SLC18A1: variants seen among roughly 807,000 people sequenced by gnomAD.
The protein encoded by SLC18A1 is chromaffin granule amine transporter.
In SLC18A1, 69 loss-of-function variants were observed where a neutral mutation model predicts 53.7. That is an observed-to-expected ratio of 1.28 (90% CI 1.06 to 1.57). The LOEUF is 1.57. SLC18A1 is among the 40% of genes most tolerant of loss of function. The pLI is 0.00. For synonymous variants in SLC18A1, 320 were observed against 248.1 expected, an observed-to-expected ratio of 1.29 and a Z score of -2.72; for missense variants, 932 against 668.1, an observed-to-expected ratio of 1.40 and a Z score of -4.35.
intron 13 of SLC18A1, 48 bp from the exon 14 acceptor site, chr8:20,147,770 A>T: frequency 6.4e-7 from 1 of 1,565,388 alleles, no homozygotes; most frequent in South Asian, 1.1e-5. Context: ...CACAGTTAGT[A>T]CCACCCCGCC....
intron 10 of SLC18A1, among the ~76,000 whole-genome samples, chr8:20,155,325 C>T (rs543372140): frequency 5.9e-5 from 9 of 152,320 alleles, no homozygotes; most frequent in African/African-American, 1.9e-4. Context: ...ATACCGAGCA[C>T]CTGTCAGCCA....
intron 10 of SLC18A1, among the ~76,000 whole-genome samples, chr8:20,157,414 G>C (rs572908305): frequency 1.3e-5 from 2 of 152,190 alleles, no homozygotes; most frequent in Non-Finnish European, 2.9e-5. Flanking sequence ...GCAGTTCCTA[G>C]TGTAGACTCT....
At chr8:20,170,799 G>C (rs1296235557) in intron 8 of SLC18A1, among the ~76,000 whole-genome samples, 2 of 151,326 alleles carry the variant, frequency 1.3e-5, no homozygotes, top group Non-Finnish European at 2.9e-5. Flanking sequence ...AGATATACAT[G>C]AATATATATA....
chr8:20,149,763 GGA>G, intron 11 of SLC18A1, 36 bp from the exon 12 acceptor site: 1 of 1,606,034 alleles, frequency 6.2e-7, no homozygotes, highest in Non-Finnish European at 8.5e-7. Context: ...CACCACTAGG[GGA>G]GAGCTCCCCT....
chr8:20,179,102 A>C lies in SLC18A1; in HGVS notation c.488+19T>G. The C allele has an allele frequency of 6.2e-7, 1 of 1,601,042 alleles. No individual in the cohort carries two copies. The highest frequency in any genetic ancestry group is 8.5e-7 in the Non-Finnish European group (1 of 1,172,682). ...CCTACTCCTGTGTACCCTGCGGGGC[A>C]CTGCACCCAGTGAGATACCTGTTGG... On this transcript the variant is annotated intron_variant, in intron 3 of 15. Transcript: ENST00000276373.
chr8:20,147,770 A>G (rs781264327), intron 13 of SLC18A1, 48 bp from the exon 14 acceptor site: 1 of 1,565,390 alleles, frequency 6.4e-7, no homozygotes, highest in Admixed American at 1.8e-5. Flanking sequence ...CACAGTTAGT[A>G]CCACCCCGCC....
At chr8:20,180,477 G>A (rs2072396484) in intron 2 of SLC18A1, among the ~76,000 whole-genome samples, 1 of 152,170 alleles carries the variant, frequency 6.6e-6, no homozygotes, top group Non-Finnish European at 1.5e-5. Flanking sequence ...GCAGAGTCCA[G>A]AAAGGCACCC....
intron 8 of SLC18A1, among the ~76,000 whole-genome samples, chr8:20,167,095 A>G (rs2071987024): frequency 6.6e-6 from 1 of 152,026 alleles, no homozygotes; most frequent in Non-Finnish European, 1.5e-5. Flanking sequence ...GACTAAGATA[A>G]TTAGCCAGAA....
At chr8:20,167,276 G>A (rs186787750) in intron 8 of SLC18A1, among the ~76,000 whole-genome samples, 1 of 152,208 alleles carries the variant, frequency 6.6e-6, no homozygotes, top group Admixed American at 6.5e-5. Flanking sequence ...TTAAGTCTAA[G>A]GGAAAAAGAA....
chr8:20,159,634 CAAAAA>C (rs200123466), intron 10 of SLC18A1, among the ~76,000 whole-genome samples: 80 of 81,498 alleles, frequency 9.8e-4, no homozygotes, highest in African/African-American at 2.5e-3. Context: ...TTGCAGCTGC[CAAAAA>C]AAAAAAAAAA....
chr8:20,180,780 G>A, intron 2 of SLC18A1, 61 bp downstream of exon 2: 11 of 1,603,582 alleles, frequency 6.9e-6, no homozygotes, highest in Non-Finnish European at 8.5e-6. Context: ...CAAGCAGGGT[G>A]TACACTGCCT....
intron 6 of SLC18A1, among the ~76,000 whole-genome samples, chr8:20,172,277 G>A (rs2072142714): frequency 2.6e-5 from 4 of 152,208 alleles, no homozygotes. Flanking sequence ...TTTAGCTTGG[G>A]CATTTGGGTT....
intron 13 of SLC18A1, 142 bp downstream of exon 13, chr8:20,147,865 A>T (rs1465758225): frequency 4.9e-6 from 7 of 1,440,030 alleles, no homozygotes; most frequent in Non-Finnish European, 6.6e-6. Flanking sequence ...TTACGAGCTC[A>T]TCTCTCCACA....
intron 7 of SLC18A1, 69 bp from the exon 8 acceptor site, chr8:20,171,215 T>C: frequency 1.3e-6 from 2 of 1,499,376 alleles, no homozygotes; most frequent in South Asian, 1.1e-5. Context: ...ATAACAGCTG[T>C]AGTGCTACCA....
chr8:20,167,683 T>C (rs1169394770), intron 8 of SLC18A1, among the ~76,000 whole-genome samples: 1 of 152,092 alleles, frequency 6.6e-6, no homozygotes, highest in African/African-American at 2.4e-5. Flanking sequence ...TGCAGTGGCA[T>C]GATCTTGGCT....
chr8:20,178,525 A>G (rs1345500771), intron 3 of SLC18A1, 32 bp from the exon 4 acceptor site: 3 of 1,530,656 alleles, frequency 2.0e-6, no homozygotes, highest in East Asian at 2.3e-5. Flanking sequence ...AAAAGATACA[A>G]TTCCAACAGG....
intron 4 of SLC18A1, 71 bp downstream of exon 4, chr8:20,178,364 C>G: frequency 7.9e-7 from 1 of 1,258,818 alleles, no homozygotes; most frequent in Non-Finnish European, 1.1e-6. Context: ...ACCCTGCTAT[C>G]TACACCGCAT....
At chr8:20,147,203 A>C in intron 15 of SLC18A1, 55 bp downstream of exon 15, 1 of 1,549,530 alleles carries the variant, frequency 6.5e-7, no homozygotes, top group Middle Eastern at 1.8e-4. Flanking sequence ...GGAATGAGAG[A>C]GATGATGGAA....
At position 20,173,333 on chromosome 8, in the gene SLC18A1, G is replaced by C. The variant is rs372903800; in HGVS notation, c.632-205C>G. ...CCCCCACATTGTCCACTCCTGTTCA[G>C]AATATTGTTGATAGTGCAAGCCCTC... On this transcript the variant is annotated intron_variant, in intron 5 of 15. Coordinates refer to ENST00000276373, the MANE Select transcript of SLC18A1 (RefSeq NM_003053.4). Among the ~76,000 whole-genome samples, 16 of 152,304 alleles carry C rather than the reference G, an allele frequency of 1.1e-4. No homozygotes were observed. In the East Asian group the frequency reaches 1.4e-3, roughly 13 times the overall value.
Sources: allele counts gnomAD v4.1 joint callset (sites outside exome capture counted in the v4.1 genomes callset), GRCh38; gene constraint gnomAD v4.1.1; transcripts MANE v1.5; gene names NCBI Gene and HGNC (gene_info 2026-07-23, HGNC 2026-07-21).